The following NTSR2 variants were observed in gnomAD, a reference collection of about 807,000 sequenced individuals.
The protein encoded by NTSR2 is neurotensin receptor type 2.
In NTSR2, 22 loss-of-function variants were observed where a neutral mutation model predicts 24.1. The observed-to-expected ratio is 0.91, with a 90% CI of 0.65 to 1.30. NTSR2 has a LOEUF of 1.30. NTSR2 is among the 50% of genes most tolerant of loss of function. The pLI is 0.00. For synonymous variants in NTSR2, 291 were observed against 267.0 expected (o/e 1.09, Z -0.88); for missense variants, 570 against 570.4 (o/e 1.00, Z 0.01).
Position 11,658,789 on chromosome 2 carries a change from G to C in NTSR2, c.990-67C>G. The C allele has an allele frequency of 2.6e-6, 4 of 1,558,288 alleles. No individual in the cohort carries two copies. In the South Asian group the frequency reaches 3.6e-5, roughly 14 times the overall value. On this transcript the variant is annotated intron_variant, in intron 3 of 3. Coordinates refer to ENST00000306928, the MANE Select transcript of NTSR2 (RefSeq NM_012344.4). ...CTCCTCACAGTGTCCACTTCCTACT[G>C]GAGAATGCCTCTCCTCCAGAGGGCT...
chr2:11,658,316 T>G lies in NTSR2; in HGVS notation c.*163A>C, dbSNP rs1572261295. On this transcript the variant is annotated 3_prime_UTR_variant, in exon 4 of 4. Transcript: ENST00000306928. ...CGAGGGAGCCTGAGGCTAGGAGGGG[T>G]CACGTGGCTTCCCTGCGCTTGATGG... The G allele has an allele frequency of 1.2e-6, 1 of 857,900 alleles. No individual in the cohort carries two copies. Among genetic ancestry groups the G allele is most frequent in the Admixed American group, 2.7e-5 (1 of 36,786 alleles). The allele number at this position is 857,900 out of a possible 1,614,324, so 53.1% of individuals were successfully genotyped here. A position where few individuals can be genotyped will look rare whatever the true frequency, so the allele number is the denominator to read the frequency against.
chr2:11,664,548 G>A (rs1053664775), intron 1 of NTSR2, among the ~76,000 whole-genome samples: 1 of 152,044 alleles, frequency 6.6e-6, no homozygotes, highest in African/African-American at 2.4e-5. Context: ...AACACTGAGG[G>A]AAAAATAAAA....
rs920795647 is a variant in NTSR2, at chr2:11,670,165, G to A, written c.-36C>T. Reference sequence around the variant, plus strand: ...CGGCCGGCGCTCCCTCCCTCTCACTGCCCGGAGTCTGGGCGAGCTGCCTGG... The same window carrying A: ...CGGCCGGCGCTCCCTCCCTCTCACTACCCGGAGTCTGGGCGAGCTGCCTGG... On this transcript the variant is annotated 5_prime_UTR_variant, in exon 1 of 4. Coordinates refer to ENST00000306928, the MANE Select transcript of NTSR2 (RefSeq NM_012344.4). The A allele has an allele frequency of 7.4e-7, 1 of 1,357,650 alleles. No homozygotes were observed. Among genetic ancestry groups the A allele is most frequent in the African/African-American group, 1.5e-5 (1 of 65,042 alleles). 84.1% of individuals were successfully genotyped at this position (1,357,650 alleles called of 1,614,324 possible).
At chr2:11,659,332 G>A (rs1212260244) in intron 3 of NTSR2, among the ~76,000 whole-genome samples, 4 of 152,250 alleles carry the variant, frequency 2.6e-5, no homozygotes, top group Non-Finnish European at 5.9e-5. Context: ...GGACTGCTGC[G>A]TGTGGTCAGG....
intron 1 of NTSR2, among the ~76,000 whole-genome samples, chr2:11,664,217 A>G (rs1234190366): frequency 6.6e-6 from 1 of 151,570 alleles, no homozygotes; most frequent in Non-Finnish European, 1.5e-5. Flanking sequence ...CCTGGGCTCA[A>G]GTGATCCTCC....
At chr2:11,668,144 C>T (rs1330496593) in intron 1 of NTSR2, among the ~76,000 whole-genome samples, 1 of 152,222 alleles carries the variant, frequency 6.6e-6, no homozygotes, top group Non-Finnish European at 1.5e-5. Flanking sequence ...AACAAAGCGG[C>T]TCCACTGAAC....
At chr2:11,663,027 G>A (rs1661112543) in intron 1 of NTSR2, among the ~76,000 whole-genome samples, 1 of 152,188 alleles carries the variant, frequency 6.6e-6, no homozygotes, top group African/African-American at 2.4e-5. Context: ...GTGGAAGCTA[G>A]AAAATCATGA....
chr2:11,669,460 G>GGGCGGGGGGGGGCCCCCCCCCCC, intron 1 of NTSR2, 46 bp downstream of exon 1: 1 of 254,726 alleles, frequency 3.9e-6, no homozygotes, highest in Non-Finnish European at 6.9e-6. Context: ...TCCCAGCACC[G>GGGCGGGGGGGGGCCCCCCCCCCC]CCCCCCCACC....
In NTSR2 at chr2:11,658,644, A is replaced by C. The variant is rs759760332; in HGVS notation, c.1068T>G (p.Leu356=). 6.2e-7 allele frequency: 1 copy of C among 1,614,092 alleles called. No homozygotes were observed. Among genetic ancestry groups the C allele is most frequent in the South Asian group, 1.1e-5 (1 of 91,072 alleles). Residue 356 remains leucine (L), a synonymous_variant, in exon 4 of 4, where the codon CTT becomes CTG. Transcript: ENST00000306928. ...LFYVSSAVTP[L]LYNAVSSSFR... ...AGGAGGAGGACACGGCGTTGTAGAG[A>C]AGAGGAGTCACAGCTGAGCTGACGT...
Position 11,669,923 on chromosome 2 carries a change from G to T in NTSR2, c.207C>A (p.Arg69=). 1 of 1,539,220 alleles carries T rather than the reference G, an allele frequency of 6.5e-7. No individual in the cohort carries two copies. The change falls in exon 1 of 4, where the codon CGC becomes CGA. Residue 69 remains arginine (R), a synonymous_variant. Coordinates refer to ENST00000306928, the MANE Select transcript of NTSR2 (RefSeq NM_012344.4). ...KARAGRAGRL[R]HHVLSLALAG... Reference sequence around the variant, plus strand: ...CGAGCGCCAGGCTGAGCACGTGGTGGCGCAGGCGCCCCGCGCGCCCGGCCC... The same window carrying T: ...CGAGCGCCAGGCTGAGCACGTGGTGTCGCAGGCGCCCCGCGCGCCCGGCCC...
chr2:11,658,708 A>C lies in NTSR2; in HGVS notation c.1004T>G (p.Phe335Cys). 6.2e-7 allele frequency: 1 copy of C among 1,614,128 alleles called. No homozygotes were observed. The highest frequency in any genetic ancestry group is 8.5e-7 in the Non-Finnish European group (1 of 1,180,002). ...DDAWTDPLYN[F>C]YHYFYMVTNT... ...GGTCACCATGTAGAAGTAGTGGTAG[A>C]AATTGTACAGTGGGCTGCAAGAGAA... The change falls in exon 4 of 4, where the codon TTC becomes TGC. Residue 335 changes from phenylalanine (F) to cysteine (C), a missense_variant. Physicochemically the swap from Phe to Cys is radical, Grantham distance 205 (BLOSUM62 -2). Transcript: ENST00000306928.
chr2:11,661,648 G>A (rs967141849), intron 2 of NTSR2, among the ~76,000 whole-genome samples: 7 of 152,170 alleles, frequency 4.6e-5, no homozygotes, highest in African/African-American at 1.4e-4. Context: ...ATTTGCAGCC[G>A]CAGTCTTTAA....
At chr2:11,661,397 G>T (rs970317695) in intron 2 of NTSR2, among the ~76,000 whole-genome samples, 1 of 152,164 alleles carries the variant, frequency 6.6e-6, no homozygotes, top group Non-Finnish European at 1.5e-5. Context: ...ACAAGACTGT[G>T]ACATTGATGA....
At chr2:11,669,474 C>G (rs769326001) in intron 1 of NTSR2, 32 bp downstream of exon 1, 5 of 262,938 alleles carry the variant, frequency 1.9e-5, no homozygotes, top group African/African-American at 4.7e-5. Flanking sequence ...CCCCACCCCC[C>G]CTCCCCCGAC....
intron 1 of NTSR2, 46 bp downstream of exon 1, chr2:11,669,460 G>GGGCGCGGGGGCCCCCC: frequency 3.9e-6 from 1 of 254,726 alleles, no homozygotes; most frequent in Non-Finnish European, 6.9e-6. Flanking sequence ...TCCCAGCACC[G>GGGCGCGGGGGCCCCCC]CCCCCCCACC....
At chr2:11,669,340 G>T (rs1014613443) in intron 1 of NTSR2, among the ~76,000 whole-genome samples, 166 bp downstream of exon 1, 2 of 152,152 alleles carry the variant, frequency 1.3e-5, no homozygotes, top group Admixed American at 6.5e-5. Flanking sequence ...CTTTGGCCAC[G>T]CCTCCCTCCT....
Position 11,661,875 on chromosome 2 carries a change from T to C in NTSR2, c.898+92A>G, listed in dbSNP as rs1398084007. 7.4e-6 allele frequency: 9 copies of C among 1,220,388 alleles called. No individual in the cohort carries two copies. In the East Asian group the frequency reaches 2.0e-4, roughly 27 times the overall value. 75.6% of individuals were successfully genotyped at this position (1,220,388 alleles called of 1,614,324 possible). On this transcript the variant is annotated intron_variant, in intron 2 of 3. Coordinates refer to ENST00000306928, the MANE Select transcript of NTSR2 (RefSeq NM_012344.4). Reference sequence around the variant, plus strand: ...GTAAAGGAAGCCTTGAGAGAGGTAGTGACTTGCTGAGGTCACCCGGCCAGG... The same window carrying C: ...GTAAAGGAAGCCTTGAGAGAGGTAGCGACTTGCTGAGGTCACCCGGCCAGG...
chr2:11,669,562 C>A lies in NTSR2; in HGVS notation c.568G>T (p.Ala190Ser), dbSNP rs753481628. Residue 190 changes from alanine to serine, a missense_variant, in exon 1 of 4, where the codon GCC becomes TCC. Coordinates refer to ENST00000306928, the MANE Select transcript of NTSR2 (RefSeq NM_012344.4). ...LETADGEPEP[A>S]SRVCTVLVSR... The stretch of plus-strand genomic sequence containing the variant: ...ACCAGCACCGTGCACACTCGCGAGG[C>A]GGGCTCCGGCTCCCCGTCCGCCGTC... 1 of 1,562,418 alleles carries A rather than the reference C, an allele frequency of 6.4e-7. No homozygotes were observed. The highest frequency in any genetic ancestry group is 8.6e-7 in the Non-Finnish European group (1 of 1,162,404).
chr2:11,660,128 T>G lies in NTSR2; in HGVS notation c.904A>C (p.Ile302Leu). The change falls in exon 3 of 4, where the codon ATC becomes CTC. Residue 302 changes from isoleucine (I) to leucine (L), a missense_variant. Ile to Leu is a conservative substitution (Grantham distance 5). Coordinates refer to ENST00000306928, the MANE Select transcript of NTSR2 (RefSeq NM_012344.4). The stretch of plus-strand genomic sequence containing the variant: ...CAGCAGATGACATACATGACCACGA[T>G]GGCTCCTGCAGAGCATTGGAAAGGG... ...LQRSVQVLRA[I>L]VVMYVICWLP... 6.2e-7 allele frequency: 1 copy of G among 1,613,214 alleles called. No individual in the cohort carries two copies. The highest frequency in any genetic ancestry group is 8.5e-7 in the Non-Finnish European group (1 of 1,179,736).
Sources: gnomAD v4.1 joint callset for allele counts (sites outside exome capture counted in the v4.1 genomes callset) on GRCh38, gnomAD v4.1.1 for gene constraint, MANE v1.5 for transcripts, NCBI Gene and HGNC (gene_info 2026-07-23, HGNC 2026-07-21) for gene names.